The following MCTP1 variants were observed in gnomAD, a reference collection of about 807,000 sequenced individuals.
MCTP1 encodes the protein multiple C2 and transmembrane domain-containing protein 1.
In MCTP1, 69 loss-of-function variants were observed where a neutral mutation model predicts 120.6. That is an observed-to-expected ratio of 0.57 (90% CI 0.47 to 0.70). The LOEUF is 0.70. Ranked by LOEUF, MCTP1 falls within the 30% of genes least tolerant of loss-of-function variation. The pLI is 0.00. For synonymous variants in MCTP1, 529 were observed against 493.1 expected, an observed-to-expected ratio of 1.07 and a Z score of -0.96; for missense variants, 1,203 against 1,248.8, an observed-to-expected ratio of 0.96 and a Z score of 0.55.
chr5:95,128,265 C>T (rs888089074), intron 1 of MCTP1, among the ~76,000 whole-genome samples: 4 of 152,210 alleles, frequency 2.6e-5, no homozygotes, highest in African/African-American at 7.2e-5. Context: ...AATAATCTAG[C>T]AGTTCTTCAA....
intron 2 of MCTP1, among the ~76,000 whole-genome samples, chr5:94,953,834 T>TATATATACAACTATATATATGC (rs540170716): frequency 1.6e-4 from 7 of 44,156 alleles, no homozygotes; most frequent in African/African-American, 1.0e-3. Flanking sequence ...TATATACATA[T>TATATATACAACTATATATATGC]ATATATATAC....
intron 1 of MCTP1, among the ~76,000 whole-genome samples, chr5:95,219,954 T>C (rs568303487): frequency 1.8e-4 from 27 of 152,314 alleles, no homozygotes; most frequent in African/African-American, 6.5e-4. Context: ...TTTTGGATGA[T>C]CATAATTTTA....
intron 18 of MCTP1, among the ~76,000 whole-genome samples, chr5:94,791,631 C>T (rs780640053): frequency 2.0e-5 from 3 of 151,946 alleles, no homozygotes; most frequent in South Asian, 2.1e-4. Flanking sequence ...AGCTAAAATG[C>T]GTTAAAGGTG....
intron 11 of MCTP1, among the ~76,000 whole-genome samples, chr5:94,894,399 C>T (rs1329157450): frequency 6.6e-6 from 1 of 152,198 alleles, no homozygotes; most frequent in African/African-American, 2.4e-5. Flanking sequence ...GATAAAATCA[C>T]TGAGTAGAAT....
At chr5:94,808,984 A>G (rs1469839834) in intron 17 of MCTP1, among the ~76,000 whole-genome samples, 2 of 152,132 alleles carry the variant, frequency 1.3e-5, no homozygotes, top group African/African-American at 4.8e-5. Flanking sequence ...CAATCTTAGT[A>G]CATCAATGCT....
chr5:94,855,458 A>G (rs537777199), intron 17 of MCTP1, among the ~76,000 whole-genome samples: 3 of 151,966 alleles, frequency 2.0e-5, no homozygotes, highest in Admixed American at 1.3e-4. Context: ...GTCAAAGGGC[A>G]TTTGACCCCC....
intron 3 of MCTP1, among the ~76,000 whole-genome samples, chr5:94,943,905 G>T (rs1408256115): frequency 1.3e-5 from 2 of 152,054 alleles, no homozygotes; most frequent in Non-Finnish European, 2.9e-5. Flanking sequence ...CTCTTGAATG[G>T]ATGACCTGGG....
chr5:94,953,451 G>A, intron 2 of MCTP1, 90 bp from the exon 3 acceptor site: 4 of 1,045,988 alleles, frequency 3.8e-6, no homozygotes, highest in Non-Finnish European at 3.9e-6. Context: ...AGTATTTAAA[G>A]GAAGAAAAGT....
At chr5:94,909,230 A>C in intron 10 of MCTP1, 21 bp downstream of exon 10, 1 of 1,611,698 alleles carries the variant, frequency 6.2e-7, no homozygotes, top group Non-Finnish European at 8.5e-7. Flanking sequence ...GAGTGAACCA[A>C]AAATTACAAA....
rs79960079 is a variant in MCTP1 at position 95,092,560 on chromosome 5, G to A, written c.721-75076C>T. On this transcript the variant is annotated intron_variant, in intron 1 of 22. Transcript: ENST00000515393. ...CAACACAAAGAAATGATGAATGTTT[G>A]AGGTGACGGATATGTTAATTGCCCT... Among the ~76,000 whole-genome samples the A allele has an allele frequency of 1.8e-3, 275 of 152,246 alleles. 2 individuals carry two copies. Among genetic ancestry groups the A allele is most frequent in the East Asian group, 8.1e-3 (42 of 5,176 alleles).
chr5:95,233,984 T>TA (rs1194366869), intron 1 of MCTP1, among the ~76,000 whole-genome samples: 1 of 144,776 alleles, frequency 6.9e-6, no homozygotes, highest in Non-Finnish European at 1.5e-5. Context: ...ATAAAACTGA[T>TA]AAACCTTGAG....
At chr5:94,924,732 T>C (rs1203165244) in intron 6 of MCTP1, among the ~76,000 whole-genome samples, 2 of 152,224 alleles carry the variant, frequency 1.3e-5, no homozygotes, top group South Asian at 4.1e-4. Flanking sequence ...TTCCCTTAAA[T>C]GTTAAAGCTT....
At position 94,774,081 on chromosome 5, in the gene MCTP1, G is replaced by A. The variant is rs1459465465; in HGVS notation, c.2610+5029C>T. ...AAATTAGCCGGGCGTAGTGGCGGGC[G>A]CCTGTAGTCCCAGCTACTTGGGAGG... is the stretch of plus-strand genomic sequence containing the variant. On this transcript the variant is annotated intron_variant, in intron 19 of 22. Transcript: ENST00000515393. 4.7e-5 allele frequency among the ~76,000 whole-genome samples: 4 copies of A among 85,294 alleles called. 1 individual carries two copies. The highest frequency in any genetic ancestry group is 5.1e-3 in the Middle Eastern group (1 of 196). 56.0% of individuals were successfully genotyped at this position (85,294 alleles called of 152,430 possible).
At chr5:94,820,455 T>G (rs1785396071) in intron 17 of MCTP1, among the ~76,000 whole-genome samples, 1 of 152,192 alleles carries the variant, frequency 6.6e-6, no homozygotes. Context: ...CTTTAACATT[T>G]TTTGCAGGCT....
intron 1 of MCTP1, among the ~76,000 whole-genome samples, chr5:95,150,209 C>T (rs1260510530): frequency 1.3e-5 from 2 of 152,124 alleles, no homozygotes; most frequent in African/African-American, 2.4e-5. Context: ...AATTGCATAA[C>T]CTAATAATGA....
intron 12 of MCTP1, among the ~76,000 whole-genome samples, chr5:94,880,272 T>C (rs1799773963): frequency 2.0e-5 from 3 of 151,770 alleles, no homozygotes; most frequent in Admixed American, 2.0e-4. Context: ...GTTCCTTTGT[T>C]TTTGCAAGGC....
intron 1 of MCTP1, among the ~76,000 whole-genome samples, chr5:95,268,657 A>G (rs1480068870): frequency 6.6e-6 from 1 of 152,188 alleles, no homozygotes; most frequent in African/African-American, 2.4e-5. Context: ...TGGTCCTAAG[A>G]CCAACAACCT....
intron 17 of MCTP1, among the ~76,000 whole-genome samples, chr5:94,854,079 T>C (rs755338958): frequency 1.3e-4 from 19 of 151,766 alleles, no homozygotes; most frequent in Non-Finnish European, 1.6e-4. Context: ...GGTTTAAGGA[T>C]AGAAAAGTAG....
At chr5:95,257,796 T>TACACACATATACACACAC (rs56080673) in intron 1 of MCTP1, among the ~76,000 whole-genome samples, 1 of 125,366 alleles carries the variant, frequency 8.0e-6, no homozygotes, top group Non-Finnish European at 1.7e-5. Flanking sequence ...CCAGAAAACA[T>TACACACATATACACACAC]ACACACACAC....
Sources: gnomAD v4.1 joint callset for allele counts (sites outside exome capture counted in the v4.1 genomes callset) on GRCh38, gnomAD v4.1.1 for gene constraint, MANE v1.5 for transcripts, NCBI Gene and HGNC (gene_info 2026-07-23, HGNC 2026-07-21) for gene names.